The following BEND4 variants were observed in gnomAD, a reference collection of about 807,000 sequenced individuals.
BEND4 encodes BEN domain-containing protein 4.
BEND4 carries 27 observed loss-of-function variants against 54.7 expected under a neutral mutation model. The observed-to-expected ratio is 0.49, with a 90% CI of 0.36 to 0.68. BEND4 has a LOEUF of 0.68. BEND4 is among the 30% of genes least tolerant of loss of function. BEND4 has a pLI of 0.00. For missense variants in BEND4, 702 were observed against 697.2 expected (o/e 1.01, Z -0.08); for synonymous variants, 327 against 299.5 (o/e 1.09, Z -0.95).
rs1398804309 is a variant in BEND4, at chr4:42,143,703, C to T, written c.779G>A (p.Gly260Glu). 11 of 1,613,878 alleles carry T rather than the reference C, an allele frequency of 6.8e-6. No individual in the cohort carries two copies. Among genetic ancestry groups the T allele is most frequent in the Non-Finnish European group, 9.3e-6 (11 of 1,179,908 alleles). Residue 260 changes from glycine (G) to glutamate (E), a missense_variant, in exon 3 of 6, where the codon GGA becomes GAA. Coordinates refer to ENST00000502486, the MANE Select transcript of BEND4 (RefSeq NM_207406.4). ...CGAGGGGTTTGGAGTTGGAAAGCTT[C>T]CCGAGAGCAGGTAATTTTGTAGAGA... ...TDSLQNYLLSGSFPTPNPSSA... is the reference protein window; with the variant it reads ...TDSLQNYLLSESFPTPNPSSA...
chr4:42,126,817 C>A (rs1720305258), intron 3 of BEND4, among the ~76,000 whole-genome samples: 1 of 152,024 alleles, frequency 6.6e-6, no homozygotes. Context: ...TGGAGACCTG[C>A]CTGGGCAATA....
chr4:42,144,468 T>C (rs1194782473), intron 2 of BEND4, among the ~76,000 whole-genome samples: 1 of 152,160 alleles, frequency 6.6e-6, no homozygotes, highest in Non-Finnish European at 1.5e-5. Flanking sequence ...AGTACATAGC[T>C]CCCAGATGCA....
intron 3 of BEND4, among the ~76,000 whole-genome samples, chr4:42,132,414 C>T (rs1006326852): frequency 1.3e-5 from 2 of 151,408 alleles, no homozygotes; most frequent in Non-Finnish European, 2.9e-5. Context: ...ACTGCCTCCT[C>T]GTGCAAATTA....
intron 3 of BEND4, among the ~76,000 whole-genome samples, chr4:42,130,263 A>G (rs765821262): frequency 1.3e-5 from 2 of 151,996 alleles, no homozygotes; most frequent in Admixed American, 6.6e-5. Context: ...GGCGGATCAC[A>G]AGGTCAGGAG....
chr4:42,128,971 G>A, intron 3 of BEND4, among the ~76,000 whole-genome samples: 1 of 152,138 alleles, frequency 6.6e-6, no homozygotes. Context: ...ATTCAAATAG[G>A]AAGAGAGGAA....
At position 42,125,680 on chromosome 4, in the gene BEND4, T is replaced by C; in HGVS notation, c.1055-6A>G. On this transcript the variant is annotated splice_region_variant and splice_polypyrimidine_tract_variant and intron_variant, in intron 3 of 5. Coordinates refer to ENST00000502486, the MANE Select transcript of BEND4 (RefSeq NM_207406.4). ...TAAAACGGTCTGGCAGGGCACTGGG[T>C]GGAAGAAATGGCAACAATTACACAT... The C allele has an allele frequency of 1.3e-6, 2 of 1,576,760 alleles. No individual in the cohort carries two copies. Among genetic ancestry groups the C allele is most frequent in the Non-Finnish European group, 1.7e-6 (2 of 1,158,272 alleles).
In BEND4 at chr4:42,152,195, C is replaced by T; in HGVS notation, c.-52G>A. On this transcript the variant is annotated 5_prime_UTR_variant, in exon 2 of 6. Coordinates refer to ENST00000502486, the MANE Select transcript of BEND4 (RefSeq NM_207406.4). ...AGCACGTCCCCTCCCCGCCGGGCGC[C>T]GGGCTCCGAGGGTGCCTCCGCCGCC... The T allele has an allele frequency of 1.6e-6, 2 of 1,233,694 alleles. No homozygotes were observed. The highest frequency in any genetic ancestry group is 4.3e-5 in the Admixed American group (1 of 23,342). 76.4% of individuals were successfully genotyped at this position (1,233,694 alleles called of 1,614,324 possible). A position where few individuals can be genotyped will look rare whatever the true frequency, so the allele number is the denominator to read the frequency against.
At chr4:42,142,691 A>G (rs79644303) in intron 3 of BEND4, among the ~76,000 whole-genome samples, 1 of 150,220 alleles carries the variant, frequency 6.7e-6, no homozygotes, top group Admixed American at 6.6e-5. Context: ...AAAAAAAAAA[A>G]GACTTTTCAA....
At chr4:42,149,571 A>G (rs1295567164) in intron 2 of BEND4, among the ~76,000 whole-genome samples, 1 of 152,218 alleles carries the variant, frequency 6.6e-6, no homozygotes, top group Non-Finnish European at 1.5e-5. Flanking sequence ...AAAAGGAAAT[A>G]TGGAGAAATT....
chr4:42,150,516 C>CTT (rs1203330443), intron 2 of BEND4, among the ~76,000 whole-genome samples: 1 of 152,244 alleles, frequency 6.6e-6, no homozygotes, highest in South Asian at 2.1e-4. Flanking sequence ...AGACACAACA[C>CTT]TTCTATTTTC....
At chr4:42,121,633 G>C (rs1016930685) in intron 4 of BEND4, among the ~76,000 whole-genome samples, 6 of 152,152 alleles carry the variant, frequency 3.9e-5, no homozygotes, top group African/African-American at 1.4e-4. Context: ...GGGTACAGTG[G>C]TGGACCCTGT....
intron 3 of BEND4, among the ~76,000 whole-genome samples, chr4:42,142,458 A>G (rs1353086241): frequency 1.8e-5 from 2 of 110,434 alleles, no homozygotes; most frequent in Non-Finnish European, 3.4e-5. Context: ...TATCTCTACT[A>G]AAAAAAATAT....
At chr4:42,146,853 T>G (rs893449901) in intron 2 of BEND4, among the ~76,000 whole-genome samples, 5 of 152,198 alleles carry the variant, frequency 3.3e-5, no homozygotes, top group African/African-American at 1.2e-4. Flanking sequence ...TTGAATGTAT[T>G]TGTTCAGTGT....
rs187996491 is a variant in BEND4 at position 42,123,546 on chromosome 4, G to A, written c.1146+2037C>T. ...TTTGTGCCACACAGGCACAAAGCAG[G>A]GGTGTGGCAGTCAGGGAGAGCTTCC... On this transcript the variant is annotated intron_variant, in intron 4 of 5. Transcript: ENST00000502486. 7.9e-5 allele frequency among the ~76,000 whole-genome samples: 12 copies of A among 152,052 alleles called. No homozygotes were observed. The East Asian group carries it at 2.3e-3, about 29-fold the overall frequency.
intron 2 of BEND4, among the ~76,000 whole-genome samples, chr4:42,150,791 G>C (rs1420989887): frequency 6.6e-6 from 1 of 152,204 alleles, no homozygotes; most frequent in Admixed American, 6.5e-5. Flanking sequence ...GAGGAGTCGC[G>C]GACCCCAGAG....
At chr4:42,146,026 C>T (rs1384290753) in intron 2 of BEND4, among the ~76,000 whole-genome samples, 1 of 152,170 alleles carries the variant, frequency 6.6e-6, no homozygotes, top group Non-Finnish European at 1.5e-5. Context: ...CTATTTTCTT[C>T]TTAGAATAGT....
At chr4:42,128,588 C>T (rs1419065923) in intron 3 of BEND4, among the ~76,000 whole-genome samples, 1 of 151,408 alleles carries the variant, frequency 6.6e-6, no homozygotes, top group Non-Finnish European at 1.5e-5. Flanking sequence ...CGCACCACTG[C>T]ACTCCAGCCT....
At chr4:42,122,224 C>T (rs1239450005) in intron 4 of BEND4, among the ~76,000 whole-genome samples, 3 of 152,164 alleles carry the variant, frequency 2.0e-5, no homozygotes, top group Non-Finnish European at 2.9e-5. Context: ...AGGTCTATTC[C>T]TCAGCTGGGC....
At chr4:42,133,420 G>A (rs773512896) in intron 3 of BEND4, among the ~76,000 whole-genome samples, 3 of 152,078 alleles carry the variant, frequency 2.0e-5, no homozygotes, top group Non-Finnish European at 4.4e-5. Context: ...CCAATTAACT[G>A]ACAAAAAAGC....
Sources: allele counts gnomAD v4.1 joint callset (sites outside exome capture counted in the v4.1 genomes callset), GRCh38; gene constraint gnomAD v4.1.1; transcripts MANE v1.5; gene names NCBI Gene and HGNC (gene_info 2026-07-23, HGNC 2026-07-21).